Variants in RIPOR2 observed in about 807,000 individuals in gnomAD.
RIPOR2 encodes RHO family interacting cell polarization regulator 2.
Under a neutral mutation model 114.5 loss-of-function variants are expected in RIPOR2, and 39 were observed. The ratio of observed to expected loss-of-function variants is 0.34; its 90% CI spans 0.26 to 0.44. The LOEUF (loss-of-function observed/expected upper bound fraction) is 0.44, where lower values mean the gene tolerates loss of function less well. Among genes scored for constraint, RIPOR2 ranks in the 20% least tolerant of loss-of-function variants. RIPOR2 has a pLI of 1.00. For synonymous variants in RIPOR2, 445 were observed against 484.4 expected, an observed-to-expected ratio of 0.92 and a Z score of 1.07; for missense variants, 1,007 against 1,255.1, an observed-to-expected ratio of 0.80 and a Z score of 2.99.
chr6:24,927,551 TATC>T (rs939008036), intron 1 of RIPOR2, among the ~76,000 whole-genome samples: 9 of 150,428 alleles, frequency 6.0e-5, no homozygotes, highest in African/African-American at 9.8e-5. Flanking sequence ...TCATGATTAT[TATC>T]ATCATCACCT....
chr6:24,912,997 T>C (rs1769788504), intron 1 of RIPOR2, among the ~76,000 whole-genome samples: 1 of 152,216 alleles, frequency 6.6e-6, no homozygotes, highest in South Asian at 2.1e-4. Flanking sequence ...AACTTCCTGA[T>C]GATCACAAAG....
At position 24,973,572 on chromosome 6, in the gene RIPOR2, A is replaced by G. The variant is rs571489653; in HGVS notation, c.76+68279T>C. ...AGATCACACCACTGCACTCTAGCCT[A>G]GTGACAGAGTGAGACTGCATCTCAA... is the stretch of plus-strand genomic sequence containing the variant. On this transcript the variant is annotated intron_variant, in intron 1 of 13. Coordinates refer to the RIPOR2 transcript ENST00000510784. 8.4e-4 allele frequency among the ~76,000 whole-genome samples: 123 copies of G among 146,998 alleles called. 1 individual carries two copies. The highest frequency in any genetic ancestry group is 4.7e-3 in the Admixed American group (68 of 14,528).
intron 1 of RIPOR2, among the ~76,000 whole-genome samples, chr6:25,004,757 G>A (rs1775475917): frequency 6.6e-6 from 1 of 152,022 alleles, no homozygotes; most frequent in Non-Finnish European, 1.5e-5. Context: ...GTTTTGTTTT[G>A]TTTTACTGGC....
intron 1 of RIPOR2, among the ~76,000 whole-genome samples, chr6:24,917,623 G>A (rs545430290): frequency 5.3e-5 from 8 of 152,138 alleles, no homozygotes; most frequent in East Asian, 3.9e-4. Flanking sequence ...TCCGCCTCCC[G>A]GGTTCAAGTG....
chr6:24,893,949 C>T (rs2817718), intron 1 of RIPOR2, among the ~76,000 whole-genome samples: 76,191 of 152,044 alleles, frequency 0.5, 21,031 homozygotes, highest in African/African-American at 0.74. Context: ...ACATCAGCCA[C>T]GCAAAAATGA....
chr6:25,027,148 TAAA>T (rs1214962187), intron 1 of RIPOR2, among the ~76,000 whole-genome samples: 20 of 152,182 alleles, frequency 1.3e-4, no homozygotes, highest in Admixed American at 1.2e-3. Flanking sequence ...AAAATAATAA[TAAA>T]AAATAATTTA....
chr6:24,876,227 T>C (rs1223597473), intron 1 of RIPOR2, among the ~76,000 whole-genome samples: 2 of 151,832 alleles, frequency 1.3e-5, no homozygotes, highest in Admixed American at 6.6e-5. Flanking sequence ...AAGGCGAAGG[T>C]TGCAGTGAGC....
intron 4 of RIPOR2, 48 bp downstream of exon 4, chr6:24,872,833 T>C (rs768488466): frequency 9.5e-6 from 12 of 1,269,192 alleles, no homozygotes; most frequent in Non-Finnish European, 1.4e-5. Context: ...AGAAGCTATT[T>C]GGCTAAAAAG....
intron 1 of RIPOR2, among the ~76,000 whole-genome samples, chr6:24,897,807 C>T (rs111479211): frequency 2.6e-5 from 4 of 152,042 alleles, no homozygotes; most frequent in African/African-American, 9.6e-5. Context: ...GGTTCTATTG[C>T]CCAGGCTGGA....
intron 8 of RIPOR2, among the ~76,000 whole-genome samples, chr6:24,853,118 T>C (rs1490438751): frequency 6.6e-6 from 1 of 152,232 alleles, no homozygotes; most frequent in East Asian, 1.9e-4. Flanking sequence ...TTATCCTTTT[T>C]ATCTGGTGTA....
At chr6:24,892,400 C>T (rs1247765891) in intron 1 of RIPOR2, among the ~76,000 whole-genome samples, 1 of 152,144 alleles carries the variant, frequency 6.6e-6, no homozygotes, top group African/African-American at 2.4e-5. Flanking sequence ...CCTTGTTTCT[C>T]CTGCATCATT....
At chr6:24,910,552 G>GC in intron 1 of RIPOR2, 1 of 152,388 alleles carries the variant, frequency 6.6e-6, no homozygotes, top group East Asian at 2.0e-4. Flanking sequence ...TCTAACCTTG[G>GC]CCCGTTCCTC....
chr6:24,964,147 C>CTGTGTGTG (rs70974955), intron 1 of RIPOR2, among the ~76,000 whole-genome samples: 19,251 of 146,538 alleles, frequency 0.13, 1,541 homozygotes, highest in East Asian at 0.33. Flanking sequence ...GACATTGGCT[C>CTGTGTGTG]TGTGTGTGTG....
rs1159617963 is a variant in RIPOR2, at chr6:24,817,710, G to A, written c.2952+832C>T. Among the ~76,000 whole-genome samples, 2 of 14,288 alleles carry A rather than the reference G, an allele frequency of 1.4e-4. 1 individual carries two copies. The highest frequency in any genetic ancestry group is 1.2e-3 in the Non-Finnish European group (2 of 1,668). The allele number at this position is 14,288 out of a possible 152,430, so 9.4% of individuals were successfully genotyped here. On this transcript the variant is annotated intron_variant, in intron 20 of 21. Transcript: ENST00000643898. Reference sequence around the variant, plus strand: ...TCGGCCATCTTGGCTCCTCCTCGGTGGTATTATTGTTCCGTTTAGTACTTG... The same window carrying A: ...TCGGCCATCTTGGCTCCTCCTCGGTAGTATTATTGTTCCGTTTAGTACTTG...
chr6:24,827,118 A>G (rs1409443463), intron 18 of RIPOR2, among the ~76,000 whole-genome samples: 1 of 152,198 alleles, frequency 6.6e-6, no homozygotes, highest in East Asian at 1.9e-4. Flanking sequence ...AGATTGGGAC[A>G]AATTTAGTAT....
chr6:24,826,209 A>G (rs1760175329), intron 18 of RIPOR2, among the ~76,000 whole-genome samples: 1 of 152,122 alleles, frequency 6.6e-6, no homozygotes, highest in African/African-American at 2.4e-5. Flanking sequence ...TTACAGGTGT[A>G]AGCCACCTTG....
chr6:25,030,016 G>A (rs1408928455), intron 1 of RIPOR2, among the ~76,000 whole-genome samples: 1 of 152,028 alleles, frequency 6.6e-6, no homozygotes, highest in Non-Finnish European at 1.5e-5. Flanking sequence ...AGTGGGACTC[G>A]TGGTTCCTCC....
chr6:24,839,668 C>T (rs1295196871), intron 13 of RIPOR2: 1 of 1,529,660 alleles, frequency 6.5e-7, no homozygotes, highest in Non-Finnish European at 8.8e-7. Flanking sequence ...CCATGTCAAC[C>T]ACAAAGCCTT....
rs182181447 is a variant in RIPOR2, at chr6:24,809,333, C to T, written c.3043+384G>A. On this transcript the variant is annotated intron_variant, in intron 21 of 21. Coordinates refer to ENST00000643898, the MANE Select transcript of RIPOR2 (RefSeq NM_001286445.3). ...GGGATTTACAGCATTCCCTGGGATG[C>T]ATCTCTGGTACCTCACCCAATTTCT... 3.7e-4 allele frequency among the ~76,000 whole-genome samples: 56 copies of T among 152,312 alleles called. No homozygotes were observed. The East Asian group carries it at 5.0e-3, about 14-fold the overall frequency.
Sources: gnomAD v4.1 joint callset for allele counts (sites outside exome capture counted in the v4.1 genomes callset) on GRCh38, gnomAD v4.1.1 for gene constraint, MANE v1.5 for transcripts, NCBI Gene and HGNC (gene_info 2026-07-23, HGNC 2026-07-21) for gene names.